NPAS2: variants seen among roughly 807,000 people sequenced by gnomAD.
NPAS2 encodes the protein neuronal PAS domain protein 2, also known as neuronal PAS domain-containing protein 2.
In NPAS2, 23 loss-of-function variants were observed where a neutral mutation model predicts 107.5. That is an observed-to-expected ratio of 0.21 (90% confidence interval 0.15 to 0.30). The LOEUF is 0.30. Among genes scored for constraint, NPAS2 ranks in the 10% least tolerant of loss-of-function variants. NPAS2 has a pLI of 1.00. For missense variants in NPAS2, 756 were observed against 1,043.3 expected, an observed-to-expected ratio of 0.72 and a Z score of 3.79; for synonymous variants, 403 against 417.5, an observed-to-expected ratio of 0.97 and a Z score of 0.42.
Position 100,995,641 on chromosome 2 carries a change from C to T in NPAS2, c.*59C>T. The T allele has an allele frequency of 6.4e-7, 1 of 1,568,412 alleles. No homozygotes were observed. Among genetic ancestry groups the T allele is most frequent in the Non-Finnish European group, 8.6e-7 (1 of 1,156,812 alleles). Reference sequence around the variant, plus strand: ...TTAACCAATGGATGAGGGGGGTGGCCACAGGAGATGGGGAGAGGAGTCTGA... The same window carrying T: ...TTAACCAATGGATGAGGGGGGTGGCTACAGGAGATGGGGAGAGGAGTCTGA... On this transcript the variant is annotated 3_prime_UTR_variant, in exon 21 of 21. Coordinates refer to ENST00000335681, the MANE Select transcript of NPAS2 (RefSeq NM_002518.4).
intron 1 of NPAS2, among the ~76,000 whole-genome samples, chr2:100,834,402 G>C (rs565607631): frequency 6.6e-6 from 1 of 152,242 alleles, no homozygotes; most frequent in Non-Finnish European, 1.5e-5. Flanking sequence ...GAGGCAGCTG[G>C]GTACAGGGAG....
chr2:100,901,258 A>G (rs952431892), intron 1 of NPAS2, among the ~76,000 whole-genome samples: 3 of 152,158 alleles, frequency 2.0e-5, no homozygotes, highest in Non-Finnish European at 4.4e-5. Context: ...GGCACAGGCT[A>G]TAATCAATAC....
Position 100,971,068 on chromosome 2 carries a change from A to C in NPAS2, c.1134A>C (p.Ala378=). 6.2e-7 allele frequency: 1 copy of C among 1,614,132 alleles called. No individual in the cohort carries two copies. The highest frequency in any genetic ancestry group is 2.2e-5 in the East Asian group (1 of 44,872). Residue 378 remains alanine (A), a synonymous_variant, in exon 12 of 21, where the codon GCA becomes GCC. Transcript: ENST00000335681. ...DPPSEALHSS[A]LKDKGSSLEP... is the part of the protein sequence containing the mutation. Reference sequence around the variant, plus strand: ...CATCCGAGGCCCTCCACTCCTCAGCACTAAAGGTACGCCCATCCCTGCCAG... The same window carrying C: ...CATCCGAGGCCCTCCACTCCTCAGCCCTAAAGGTACGCCCATCCCTGCCAG...
Position 100,975,558 on chromosome 2 carries a change from C to T in NPAS2, c.1383C>T (p.Ala461=). 1.2e-6 allele frequency: 2 copies of T among 1,610,610 alleles called. No individual in the cohort carries two copies. Among genetic ancestry groups the T allele is most frequent in the Non-Finnish European group, 8.5e-7 (1 of 1,178,212 alleles). ...ELPVPGLSQA[A]TMPAPLPSPS... is the part of the protein sequence containing the mutation. ...CTGTCCCCGGGCTCAGCCAGGCAGC[C>T]ACCATGCCGGTAAGTGTGTGACCCC... The change falls in exon 14 of 21, where the codon GCC becomes GCT. Residue 461 remains alanine (A), a synonymous_variant. Transcript: ENST00000335681.
At chr2:100,961,076 A>G (rs187586643) in intron 7 of NPAS2, among the ~76,000 whole-genome samples, 249 of 152,304 alleles carry the variant, frequency 1.6e-3, no homozygotes, top group Admixed American at 4.8e-3. Context: ...CTGCTCCTGC[A>G]GTTAGTGGGT....
chr2:100,953,107 G>A (rs1380745808), intron 7 of NPAS2, among the ~76,000 whole-genome samples: 2 of 135,484 alleles, frequency 1.5e-5, no homozygotes, highest in Non-Finnish European at 3.3e-5. Context: ...CAGATGCAGT[G>A]GCTCACACCT....
Position 100,930,342 on chromosome 2 carries a change from A to G in NPAS2, c.182-2568A>G, listed in dbSNP as rs76886571. Among the ~76,000 whole-genome samples, 7 of 152,298 alleles carry G rather than the reference A, an allele frequency of 4.6e-5. No individual in the cohort carries two copies. In the East Asian group the frequency reaches 7.7e-4, roughly 17 times the overall value. ...AGGACAGCTGTGGAATTTCTGCTCCATTTTCCAGGCTTTTATTTGACCACA... is the reference window on the plus strand; with the variant it reads ...AGGACAGCTGTGGAATTTCTGCTCCGTTTTCCAGGCTTTTATTTGACCACA... On this transcript the variant is annotated intron_variant, in intron 3 of 20. Transcript: ENST00000335681.
At chr2:100,842,798 A>T (rs1265330955) in intron 1 of NPAS2, among the ~76,000 whole-genome samples, 1 of 152,162 alleles carries the variant, frequency 6.6e-6, no homozygotes, top group African/African-American at 2.4e-5. Context: ...TGCTTCTTTT[A>T]GCAAAGACAT....
At position 100,820,333 on chromosome 2, in the gene NPAS2, C is replaced by T. The variant is rs1464420229; in HGVS notation, c.-104C>T. 2 of 147,420 alleles carry T rather than the reference C, an allele frequency of 1.4e-5. No individual in the cohort carries two copies. Among genetic ancestry groups the T allele is most frequent in the South Asian group, 1.9e-4 (1 of 5,236 alleles). The allele number at this position is 147,420 out of a possible 1,614,324, so 9.1% of individuals were successfully genotyped here. On this transcript the variant is annotated 5_prime_UTR_variant, in exon 1 of 21. Transcript: ENST00000335681. The surrounding 1 kb of genome is among the most constrained non-coding windows in gnomAD (Gnocchi z 5.6). ...AGCTCGCCGCGCCCGCTCGCCGCCT[C>T]GTCTCCCAGCGGCGGCGGGAGGCGC... is the stretch of plus-strand genomic sequence containing the variant.
intron 1 of NPAS2, among the ~76,000 whole-genome samples, chr2:100,881,721 A>G (rs773470184): frequency 6.6e-6 from 1 of 151,486 alleles, no homozygotes; most frequent in Non-Finnish European, 1.5e-5. Context: ...ATCTTTATTT[A>G]CAAGACACTT....
At chr2:100,874,461 G>A (rs1679826272) in intron 1 of NPAS2, among the ~76,000 whole-genome samples, 1 of 152,086 alleles carries the variant, frequency 6.6e-6, no homozygotes, top group Non-Finnish European at 1.5e-5. Context: ...ATAAAAATGG[G>A]CTGGGCACGG....
chr2:100,896,996 A>G (rs1296172748), intron 1 of NPAS2, among the ~76,000 whole-genome samples: 1 of 152,238 alleles, frequency 6.6e-6, no homozygotes, highest in Non-Finnish European at 1.5e-5. Flanking sequence ...ATGGCTGAGG[A>G]GGCCGCAGGA....
chr2:100,890,608 C>T (rs1384607198), intron 1 of NPAS2, among the ~76,000 whole-genome samples: 1 of 152,028 alleles, frequency 6.6e-6, no homozygotes, highest in Admixed American at 6.6e-5. Flanking sequence ...TGCCCCAGGG[C>T]CTTTGAACAA....
intron 19 of NPAS2, among the ~76,000 whole-genome samples, chr2:100,991,766 A>G (rs941314622): frequency 6.6e-6 from 1 of 151,996 alleles, no homozygotes; most frequent in Non-Finnish European, 1.5e-5. Context: ...TGTTTTTTAA[A>G]CCAGTGAAGA....
chr2:100,825,079 G>T (rs1676291086), intron 1 of NPAS2, among the ~76,000 whole-genome samples: 1 of 152,176 alleles, frequency 6.6e-6, no homozygotes, highest in African/African-American at 2.4e-5. Context: ...TTTGCTGAAG[G>T]CCGTGGCAGA....
At chr2:100,901,438 G>C in intron 1 of NPAS2, 2 of 782,012 alleles carry the variant, frequency 2.6e-6, no homozygotes, top group East Asian at 2.5e-4. Context: ...AGCTTAAAAA[G>C]ACTCCGGAGA....
intron 12 of NPAS2, 103 bp downstream of exon 12, chr2:100,971,177 A>G: frequency 9.4e-7 from 1 of 1,063,336 alleles, no homozygotes. Flanking sequence ...ATGGAAGGGT[A>G]CAACCAAGCT....
chr2:100,867,088 A>G (rs1163626774), intron 1 of NPAS2, among the ~76,000 whole-genome samples: 1 of 152,242 alleles, frequency 6.6e-6, no homozygotes, highest in African/African-American at 2.4e-5. Flanking sequence ...ACTGAAACAT[A>G]GTCTACTGTG....
chr2:100,922,758 C>G (rs750995809), intron 2 of NPAS2, among the ~76,000 whole-genome samples: 2 of 152,180 alleles, frequency 1.3e-5, no homozygotes, highest in Non-Finnish European at 1.5e-5. Context: ...AACCAGCTGA[C>G]AGCGACCAGT....
Sources: gnomAD v4.1 joint callset for allele counts (sites outside exome capture counted in the v4.1 genomes callset) on GRCh38, gnomAD v4.1.1 for gene constraint, Gnocchi (gnomAD v3.1) non-coding constraint, MANE v1.5 for transcripts, NCBI Gene and HGNC (gene_info 2026-07-23, HGNC 2026-07-21) for gene names.